The following CAMKMT variants were observed in gnomAD, a reference collection of about 807,000 sequenced individuals.
CAMKMT encodes the protein CaM KMT.
Under a neutral mutation model 48.0 loss-of-function variants are expected in CAMKMT, and 53 were observed. The observed-to-expected ratio is 1.10, with a 90% confidence interval of 0.89 to 1.39. The LOEUF (loss-of-function observed/expected upper bound fraction) is 1.39. Ranked by LOEUF, CAMKMT falls within the 40% of genes most tolerant of loss-of-function variation. The probability of loss-of-function intolerance (pLI) is 0.00; values close to 1 mark genes in which losing one functional copy is unlikely to be tolerated. For synonymous variants in CAMKMT, 165 were observed against 152.3 expected (o/e 1.08, Z -0.61); for missense variants, 428 against 402.7 (o/e 1.06, Z -0.54).
At chr2:44,380,680 G>T (rs1270727606) in intron 2 of CAMKMT, among the ~76,000 whole-genome samples, 1 of 152,116 alleles carries the variant, frequency 6.6e-6, no homozygotes, top group Non-Finnish European at 1.5e-5. Context: ...TTATAGTTTT[G>T]AAAATAGTGA....
intron 3 of CAMKMT, among the ~76,000 whole-genome samples, chr2:44,515,985 ATTTTAT>A (rs1670813184): frequency 6.6e-6 from 1 of 152,200 alleles, no homozygotes; most frequent in South Asian, 2.1e-4. Context: ...TTTTCTTTGC[ATTTTAT>A]TTTTATTTTT....
chr2:44,684,340 A>G (rs1193076417), intron 3 of CAMKMT, among the ~76,000 whole-genome samples: 3 of 152,226 alleles, frequency 2.0e-5, no homozygotes, highest in African/African-American at 4.8e-5. Context: ...TTTTCCTAAC[A>G]GAAGGATAAT....
intron 3 of CAMKMT, among the ~76,000 whole-genome samples, chr2:44,671,369 C>T (rs1003016560): frequency 5.3e-5 from 8 of 152,178 alleles, no homozygotes; most frequent in African/African-American, 1.9e-4. Context: ...AATAATAAAG[C>T]CTCAGATGGG....
chr2:44,513,331 G>A (rs1175846709), intron 3 of CAMKMT, among the ~76,000 whole-genome samples: 4 of 151,482 alleles, frequency 2.6e-5, no homozygotes, highest in East Asian at 1.9e-4. Context: ...GTAGTAGCTC[G>A]ATAACTGTTG....
chr2:44,601,028 C>A (rs139934007), intron 3 of CAMKMT, among the ~76,000 whole-genome samples: 1 of 152,206 alleles, frequency 6.6e-6, no homozygotes, highest in African/African-American at 2.4e-5. Flanking sequence ...GAATAATATT[C>A]ATCTCCAAAT....
At chr2:44,575,782 C>T (rs1046532440) in intron 3 of CAMKMT, among the ~76,000 whole-genome samples, 6 of 149,500 alleles carry the variant, frequency 4.0e-5, no homozygotes, top group East Asian at 2.0e-4. Flanking sequence ...GCTTGAGCTT[C>T]GGAGGTCAAG....
chr2:44,394,766 T>A, intron 3 of CAMKMT: 1 of 439,082 alleles, frequency 2.3e-6, no homozygotes, highest in African/African-American at 2.0e-5. Flanking sequence ...TAGACTTTGC[T>A]TCCTAGTGGT....
intron 3 of CAMKMT, among the ~76,000 whole-genome samples, chr2:44,652,670 G>C (rs1213438540): frequency 6.6e-6 from 1 of 152,180 alleles, no homozygotes; most frequent in East Asian, 1.9e-4. Flanking sequence ...CTTGGACACT[G>C]GTTTAACGTG....
At chr2:44,689,608 T>C (rs1021285882) in intron 3 of CAMKMT, among the ~76,000 whole-genome samples, 5 of 152,190 alleles carry the variant, frequency 3.3e-5, no homozygotes, top group Non-Finnish European at 7.3e-5. Flanking sequence ...GTTTTTCCAC[T>C]GTGGGAAGGA....
At chr2:44,569,338 C>T (rs765696266) in intron 3 of CAMKMT, among the ~76,000 whole-genome samples, 4 of 152,092 alleles carry the variant, frequency 2.6e-5, no homozygotes, top group Non-Finnish European at 2.9e-5. Context: ...GGGTATTATA[C>T]GAATGGCGAT....
chr2:44,454,798 A>G (rs1315088261), intron 3 of CAMKMT, among the ~76,000 whole-genome samples: 1 of 152,174 alleles, frequency 6.6e-6, no homozygotes, highest in East Asian at 1.9e-4. Context: ...ATTGTATTGT[A>G]TCAGTGAATC....
In CAMKMT at chr2:44,707,485, C is replaced by T. The variant is rs200692475; in HGVS notation, c.556+23C>T. On this transcript the variant is annotated intron_variant, in intron 6 of 10. Transcript: ENST00000378494. ...GAAGTATCCTTATTCAGATAGAAAA[C>T]GGGTTTGTTGTGCTCATTCCTTTTT... 21 of 1,603,698 alleles carry T rather than the reference C, an allele frequency of 1.3e-5. No individual in the cohort carries two copies. In the East Asian group the frequency reaches 2.5e-4, roughly 19 times the overall value.
intron 3 of CAMKMT, among the ~76,000 whole-genome samples, chr2:44,497,474 A>G (rs2104730690): frequency 6.6e-6 from 1 of 152,248 alleles, no homozygotes; most frequent in East Asian, 1.9e-4. Context: ...TTATGTAGGG[A>G]TAACAGATAA....
chr2:44,544,921 G>C (rs902448759), intron 3 of CAMKMT, among the ~76,000 whole-genome samples: 3 of 152,108 alleles, frequency 2.0e-5, no homozygotes, highest in Non-Finnish European at 4.4e-5. Flanking sequence ...ATGATGACTA[G>C]GTTATTATAA....
chr2:44,602,931 T>C (rs925872045), intron 3 of CAMKMT, among the ~76,000 whole-genome samples: 2 of 151,910 alleles, frequency 1.3e-5, no homozygotes, highest in Non-Finnish European at 2.9e-5. Context: ...CTCCATTATT[T>C]TTTGTGTATT....
intron 3 of CAMKMT, among the ~76,000 whole-genome samples, chr2:44,512,427 T>C (rs1346619875): frequency 6.6e-6 from 1 of 152,236 alleles, no homozygotes; most frequent in Non-Finnish European, 1.5e-5. Flanking sequence ...TATTATTTTC[T>C]AGCTTTTATG....
intron 3 of CAMKMT, among the ~76,000 whole-genome samples, chr2:44,667,325 T>C (rs1675050655): frequency 6.6e-6 from 1 of 152,206 alleles, no homozygotes; most frequent in Non-Finnish European, 1.5e-5. Flanking sequence ...GATATCCCCA[T>C]CCGGCTCTCC....
rs528608986 is a variant in CAMKMT at position 44,675,872 on chromosome 2, T to G, written c.377-28411T>G. On this transcript the variant is annotated intron_variant, in intron 3 of 10. Transcript: ENST00000378494. ...TTGGCAACCATCATTCTACTTTCTTTCTTTGTGAATTTGACCACTCTGGGT... is the reference window on the plus strand; with the variant it reads ...TTGGCAACCATCATTCTACTTTCTTGCTTTGTGAATTTGACCACTCTGGGT... 3.9e-5 allele frequency among the ~76,000 whole-genome samples: 6 copies of G among 152,318 alleles called. No homozygotes were observed. In the South Asian group the frequency reaches 1.2e-3, roughly 32 times the overall value.
intron 3 of CAMKMT, among the ~76,000 whole-genome samples, chr2:44,611,758 TG>T (rs1671611103): frequency 6.6e-6 from 1 of 151,892 alleles, no homozygotes; most frequent in Admixed American, 6.6e-5. Context: ...GGCATCTGCT[TG>T]GCTTCTAGAG....
Sources: allele counts gnomAD v4.1 joint callset (sites outside exome capture counted in the v4.1 genomes callset), GRCh38; gene constraint gnomAD v4.1.1; transcripts MANE v1.5; gene names NCBI Gene and HGNC (gene_info 2026-07-23, HGNC 2026-07-21).